Variants in PRKCA observed in about 807,000 individuals in gnomAD.
PRKCA encodes the protein protein kinase C alpha, also known as protein kinase C alpha type.
In PRKCA, 27 loss-of-function variants were observed where a neutral mutation model predicts 87.0. That is an observed-to-expected ratio of 0.31 (90% CI 0.23 to 0.43). The LOEUF (loss-of-function observed/expected upper bound fraction) is 0.43. PRKCA is among the 20% of genes least tolerant of loss of function. The pLI, the probability that PRKCA is intolerant of heterozygous loss-of-function variation, is 1.00. For synonymous variants in PRKCA, 329 were observed against 311.1 expected (o/e 1.06, Z -0.61); for missense variants, 518 against 852.3 (o/e 0.61, Z 4.88).
Position 66,333,972 on chromosome 17 carries a change from C to T in PRKCA, c.205+27845C>T, listed in dbSNP as rs1378560081. The stretch of plus-strand genomic sequence containing the variant: ...TGCAAATAAAGTGTAAAAAAGAGGC[C>T]GGGCACAGTGGCTCATGCCTGTAAT... On this transcript the variant is annotated intron_variant, in intron 2 of 16. Transcript: ENST00000413366. Among the ~76,000 whole-genome samples the T allele has an allele frequency of 6.6e-5, 10 of 152,078 alleles. No individual in the cohort carries two copies. In the South Asian group the frequency reaches 1.2e-3, roughly 19 times the overall value.
chr17:66,803,555 G>T lies in PRKCA; in HGVS notation c.1855-318G>T, dbSNP rs1975950863. Among the ~76,000 whole-genome samples, 1 of 152,196 alleles carries T rather than the reference G, an allele frequency of 6.6e-6. No homozygotes were observed. The highest frequency in any genetic ancestry group is 2.1e-4 in the South Asian group (1 of 4,826). The stretch of plus-strand genomic sequence containing the variant: ...ACGGCCCTGCGTGCGTGGCTTCCGT[G>T]CTCTCAGCTCCGCTTGCTCGGTGAG... On this transcript the variant is annotated intron_variant, in intron 16 of 16. Transcript: ENST00000413366. The surrounding 1 kb of genome is among the most constrained non-coding windows in gnomAD (Gnocchi z 4.4).
intron 2 of PRKCA, among the ~76,000 whole-genome samples, chr17:66,359,177 A>G (rs1908238438): frequency 6.6e-6 from 1 of 152,184 alleles, no homozygotes; most frequent in Non-Finnish European, 1.5e-5. Context: ...AGTAAATTAA[A>G]AAGTGAATTT....
intron 5 of PRKCA, among the ~76,000 whole-genome samples, chr17:66,668,210 C>CATTT (rs536955508): frequency 5.9e-5 from 9 of 152,160 alleles, no homozygotes; most frequent in Non-Finnish European, 8.8e-5. Flanking sequence ...TTTCAGAGGA[C>CATTT]CAAAATAGTG....
chr17:66,766,978 A>G (rs1366843659), intron 13 of PRKCA, among the ~76,000 whole-genome samples: 1 of 152,168 alleles, frequency 6.6e-6, no homozygotes, highest in Non-Finnish European at 1.5e-5. Flanking sequence ...ATGCTTTCCA[A>G]TAAATCATCT....
chr17:66,774,967 T>G (rs1273095300), intron 14 of PRKCA: 1 of 985,286 alleles, frequency 1.0e-6, no homozygotes. Flanking sequence ...CATGGCACTT[T>G]CTAATATAAT....
chr17:66,383,463 G>A (rs929960273), intron 2 of PRKCA, among the ~76,000 whole-genome samples: 1 of 151,978 alleles, frequency 6.6e-6, no homozygotes, highest in African/African-American at 2.4e-5. Context: ...ATGCTTTTGT[G>A]TGGGAGAAAC....
At chr17:66,799,716 A>G (rs1455117873) in intron 16 of PRKCA, among the ~76,000 whole-genome samples, 1 of 150,116 alleles carries the variant, frequency 6.7e-6, no homozygotes, top group African/African-American at 2.5e-5. Context: ...GTAGTTTTCC[A>G]CATTAACATC....
rs374778332 is a variant in PRKCA, at chr17:66,570,244, A to G, written c.289-71111A>G. ...GGGGAGAAGAGTGACTAGAACAGGC[A>G]CAAGGGGACTTCTGGGGCTCTCGTT... On this transcript the variant is annotated intron_variant, in intron 3 of 16. Transcript: ENST00000413366. Among the ~76,000 whole-genome samples, 18 of 152,332 alleles carry G rather than the reference A, an allele frequency of 1.2e-4. No homozygotes were observed. The East Asian group carries it at 2.5e-3, about 21-fold the overall frequency.
chr17:66,421,279 A>G (rs1474168261), intron 2 of PRKCA, among the ~76,000 whole-genome samples: 1 of 152,150 alleles, frequency 6.6e-6, no homozygotes, highest in Admixed American at 6.5e-5. Flanking sequence ...ATGGGAGTTC[A>G]CAGGCTCTTC....
intron 8 of PRKCA, among the ~76,000 whole-genome samples, chr17:66,707,212 A>G (rs916836292): frequency 4.6e-5 from 7 of 152,132 alleles, no homozygotes; most frequent in African/African-American, 1.7e-4. Context: ...TTCAAATCCT[A>G]CAAGTCCCTT....
At chr17:66,766,917 A>C (rs531286642) in intron 13 of PRKCA, among the ~76,000 whole-genome samples, 6 of 152,222 alleles carry the variant, frequency 3.9e-5, no homozygotes, top group Non-Finnish European at 8.8e-5. Flanking sequence ...TTACAAGAGC[A>C]AATTTTATTC....
At chr17:66,390,094 A>G (rs1479735909) in intron 2 of PRKCA, among the ~76,000 whole-genome samples, 1 of 152,170 alleles carries the variant, frequency 6.6e-6, no homozygotes, top group African/African-American at 2.4e-5. Flanking sequence ...GTGATGGCGC[A>G]TGCCTGTAAT....
In PRKCA at chr17:66,302,777, C is replaced by A; in HGVS notation, c.-75C>A. 7.4e-7 allele frequency: 1 copy of A among 1,349,038 alleles called. No individual in the cohort carries two copies. The highest frequency in any genetic ancestry group is 9.7e-7 in the Non-Finnish European group (1 of 1,031,936). 83.6% of individuals were successfully genotyped at this position (1,349,038 alleles called of 1,614,324 possible). ...GGGTCGCCCCGAGCCCGCACCTCTC[C>A]CCCGCCGCCCCCGCCCACCCGGCCC... On this transcript the variant is annotated 5_prime_UTR_variant, in exon 1 of 17. Coordinates refer to ENST00000413366, the MANE Select transcript of PRKCA (RefSeq NM_002737.3).
chr17:66,687,210 A>G lies in PRKCA; in HGVS notation c.629A>G (p.Gln210Arg), dbSNP rs1459950139. 4.3e-6 allele frequency: 7 copies of G among 1,614,188 alleles called. No homozygotes were observed. The highest frequency in any genetic ancestry group is 1.1e-5 in the South Asian group (1 of 91,078). ...LIPDPKNESK[Q>R]KTKTIRSTLN... Reference sequence around the variant, plus strand: ...CCTGATCCCAAGAATGAAAGCAAGCAAAAAACCAAAACCATCCGCTCCACA... The same window carrying G: ...CCTGATCCCAAGAATGAAAGCAAGCGAAAAACCAAAACCATCCGCTCCACA... Residue 210 changes from glutamine to arginine, a missense_variant, in exon 6 of 17, where the codon CAA (glutamine) becomes CGA (arginine). This residue lies in a region of PRKCA where 300 missense variants were observed against 496.8 expected (regional missense o/e 0.60). Coordinates refer to ENST00000413366, the MANE Select transcript of PRKCA (RefSeq NM_002737.3).
intron 4 of PRKCA, among the ~76,000 whole-genome samples, chr17:66,642,688 T>G (rs1971333867): frequency 6.6e-6 from 1 of 152,190 alleles, no homozygotes; most frequent in Non-Finnish European, 1.5e-5. Context: ...AGATGGAGTT[T>G]CTCAGGACAC....
chr17:66,653,258 G>A (rs1470861751), intron 5 of PRKCA, among the ~76,000 whole-genome samples: 2 of 152,228 alleles, frequency 1.3e-5, no homozygotes, highest in Non-Finnish European at 2.9e-5. Context: ...GAAAATGTGA[G>A]TTAAACAGCT....
Position 66,443,938 on chromosome 17 carries a change from A to T in PRKCA, c.206-52263A>T, listed in dbSNP as rs913202108. Among the ~76,000 whole-genome samples, 19 of 152,290 alleles carry T rather than the reference A, an allele frequency of 1.2e-4. 1 individual carries two copies. In the South Asian group the frequency reaches 3.9e-3, roughly 32 times the overall value. The stretch of plus-strand genomic sequence containing the variant: ...GAAACGCAGGCGGTCAGGAAATCTA[A>T]TGATGGCTTCGGACCTGGGCAGACT... On this transcript the variant is annotated intron_variant, in intron 2 of 16. Transcript: ENST00000413366.
intron 2 of PRKCA, among the ~76,000 whole-genome samples, chr17:66,405,938 T>G (rs1299978399): frequency 6.6e-6 from 1 of 152,204 alleles, no homozygotes. Context: ...TTATTATGGT[T>G]GGTGTGGAGG....
chr17:66,712,900 T>C (rs1973368106), intron 8 of PRKCA, among the ~76,000 whole-genome samples: 1 of 152,068 alleles, frequency 6.6e-6, no homozygotes, highest in Non-Finnish European at 1.5e-5. Flanking sequence ...CCTGGCTAGA[T>C]TTGTGTTTGC....
Sources: gnomAD v4.1 joint callset for allele counts (sites outside exome capture counted in the v4.1 genomes callset) on GRCh38, gnomAD v4.1.1 for gene constraint, gnomAD v4.1.1 regional missense constraint, Gnocchi (gnomAD v3.1) non-coding constraint, MANE v1.5 for transcripts, NCBI Gene and HGNC (gene_info 2026-07-23, HGNC 2026-07-21) for gene names.